MYL9: variants seen among roughly 807,000 people sequenced by gnomAD.
The protein encoded by MYL9 is myosin light chain 9.
In MYL9, 7 loss-of-function variants were observed where a neutral mutation model predicts 12.8. The ratio of observed to expected loss-of-function variants is 0.55; its 90% CI spans 0.31 to 1.03. The LOEUF is 1.03. Among genes scored for constraint, MYL9 ranks in the 50% least tolerant of loss-of-function variants. The pLI, the probability that MYL9 is intolerant of heterozygous loss-of-function variation, is 0.05. For missense variants in MYL9, 190 were observed against 242.7 expected (o/e 0.78, Z 1.44); for synonymous variants, 81 against 87.8 (o/e 0.92, Z 0.43).
Position 36,549,369 on chromosome 20 carries a change from C to A in MYL9, c.*120C>A. ...GGATCCCCCTTTGAGGGGTTAGGGT[C>A]CCAGTTCCCAGTGGAAGAAACAGGC... On this transcript the variant is annotated 3_prime_UTR_variant, in exon 4 of 4. Coordinates refer to ENST00000279022, the MANE Select transcript of MYL9 (RefSeq NM_006097.5). 1 of 866,574 alleles carries A rather than the reference C, an allele frequency of 1.2e-6. No individual in the cohort carries two copies. The allele number at this position is 866,574 out of a possible 1,614,324, so 53.7% of individuals were successfully genotyped here.
intron 1 of MYL9, among the ~76,000 whole-genome samples, chr20:36,543,530 A>G (rs2038060782): frequency 6.6e-6 from 1 of 152,208 alleles, no homozygotes; most frequent in Admixed American, 6.5e-5. Flanking sequence ...GGAAGGAGGC[A>G]CTGGGTCTTC....
At chr20:36,542,050 C>T (rs1424494620) in intron 1 of MYL9, among the ~76,000 whole-genome samples, 1 of 152,146 alleles carries the variant, frequency 6.6e-6, no homozygotes, top group African/African-American at 2.4e-5. Flanking sequence ...ATCCCTACAC[C>T]CTGGGCCAGG....
Position 36,544,844 on chromosome 20 carries a change from C to T in MYL9, c.-26-15C>T, listed in dbSNP as rs1337833941. The T allele has an allele frequency of 1.9e-6, 3 of 1,584,772 alleles. No individual in the cohort carries two copies. The highest frequency in any genetic ancestry group is 2.2e-5 in the East Asian group (1 of 44,466). On this transcript the variant is annotated splice_polypyrimidine_tract_variant and intron_variant, in intron 1 of 3. Transcript: ENST00000279022. ...CAGAGTCACAGGGCCACCCAACCCC[C>T]ACCCCTTCCTGCAGGGAAGCCCCAC...
chr20:36,545,884 C>T (rs1392985335), intron 2 of MYL9, among the ~76,000 whole-genome samples: 2 of 152,208 alleles, frequency 1.3e-5, no homozygotes, highest in African/African-American at 4.8e-5. Context: ...CACGCCACTG[C>T]ACTCCAGCCT....
chr20:36,547,882 G>T, intron 2 of MYL9, 150 bp from the exon 3 acceptor site: 1 of 999,044 alleles, frequency 1.0e-6, no homozygotes, highest in Non-Finnish European at 1.4e-6. Context: ...CTGTGGCTGC[G>T]CTAGAGCCAT....
At chr20:36,541,745 C>T (rs76042554) in intron 1 of MYL9, among the ~76,000 whole-genome samples, 184 bp downstream of exon 1, 1 of 152,194 alleles carries the variant, frequency 6.6e-6, no homozygotes, top group Non-Finnish European at 1.5e-5. Flanking sequence ...TGCTGGGGGC[C>T]GACAGGGACT....
At chr20:36,545,297 A>G (rs1283443606) in intron 2 of MYL9, among the ~76,000 whole-genome samples, 3 of 151,854 alleles carry the variant, frequency 2.0e-5, no homozygotes, top group Non-Finnish European at 2.9e-5. Context: ...GGAGATCGAG[A>G]CCATCCTGGC....
intron 2 of MYL9, among the ~76,000 whole-genome samples, chr20:36,546,626 T>C (rs547066833): frequency 1.5e-4 from 22 of 150,684 alleles, no homozygotes; most frequent in East Asian, 2.0e-4. Context: ...TCTTTTTTTT[T>C]CCCCCCGAGA....
intron 3 of MYL9, 35 bp from the exon 4 acceptor site, chr20:36,549,042 G>T (rs754015898): frequency 6.2e-7 from 1 of 1,600,928 alleles, no homozygotes; most frequent in Non-Finnish European, 8.5e-7. Context: ...CTCAGCCCAA[G>T]TTCCTGCTCT....
rs114304364 is a variant in MYL9, at chr20:36,547,497, G to A, written c.185-535G>A. Among the ~76,000 whole-genome samples the A allele has an allele frequency of 8.3e-4, 126 of 152,112 alleles. 1 individual carries two copies. The highest frequency in any genetic ancestry group is 2.9e-3 in the African/African-American group (119 of 41,540). The stretch of plus-strand genomic sequence containing the variant: ...TGTCTTCACAATTCCCCTAAGAGAT[G>A]GGGAAAACCAAGGTGCACAGCTGGG... On this transcript the variant is annotated intron_variant, in intron 2 of 3. Transcript: ENST00000279022.
chr20:36,546,695 C>A (rs2038104737), intron 2 of MYL9, among the ~76,000 whole-genome samples: 1 of 151,940 alleles, frequency 6.6e-6, no homozygotes, highest in South Asian at 2.1e-4. Context: ...CTGCAACCTC[C>A]GTCTCCCAGG....
intron 1 of MYL9, among the ~76,000 whole-genome samples, chr20:36,543,468 G>A (rs1254860034): frequency 6.6e-6 from 1 of 152,224 alleles, no homozygotes; most frequent in Non-Finnish European, 1.5e-5. Flanking sequence ...TGGGCAGAGG[G>A]AAGAGGGGCC....
In MYL9 at chr20:36,550,046, G is replaced by A. The variant is rs1322607699; in HGVS notation, c.*797G>A. 1 of 152,504 alleles carries A rather than the reference G, an allele frequency of 6.6e-6. No homozygotes were observed. The highest frequency in any genetic ancestry group is 1.5e-5 in the Non-Finnish European group (1 of 68,276). The allele number at this position is 152,504 out of a possible 1,614,324, so 9.4% of individuals were successfully genotyped here. ...TGAGACCAGCAGGGGACAGGGGACG[G>A]AGGGAATGGGCCTCATGGCCTTCTC... On this transcript the variant is annotated 3_prime_UTR_variant, in exon 4 of 4. Transcript: ENST00000279022.
At chr20:36,541,824 A>T (rs1390767963) in intron 1 of MYL9, among the ~76,000 whole-genome samples, 1 of 152,162 alleles carries the variant, frequency 6.6e-6, no homozygotes, top group Non-Finnish European at 1.5e-5. Context: ...CGGCAAGGGA[A>T]GGCCATCGTC....
chr20:36,545,073 G>A lies in MYL9; in HGVS notation c.184+5G>A, dbSNP rs112774015. 2 of 1,613,482 alleles carry A rather than the reference G, an allele frequency of 1.2e-6. No individual in the cohort carries two copies. The highest frequency in any genetic ancestry group is 1.7e-6 in the Non-Finnish European group (2 of 1,179,564). Reference sequence around the variant, plus strand: ...ACGACATGCTGGCCTCGCTGGGTGAGCTGGGACAGGGACAGGGGTGAGATG... The same window carrying A: ...ACGACATGCTGGCCTCGCTGGGTGAACTGGGACAGGGACAGGGGTGAGATG... On this transcript the variant is annotated splice_donor_5th_base_variant and intron_variant, in intron 2 of 3. Coordinates refer to ENST00000279022, the MANE Select transcript of MYL9 (RefSeq NM_006097.5).
chr20:36,548,873 C>G (rs908659924), intron 3 of MYL9, among the ~76,000 whole-genome samples: 1 of 152,154 alleles, frequency 6.6e-6, no homozygotes, highest in Non-Finnish European at 1.5e-5. Flanking sequence ...CCCTGGCACC[C>G]CTTCACGTGG....
intron 2 of MYL9, among the ~76,000 whole-genome samples, chr20:36,547,343 G>A (rs1025048857): frequency 7.2e-5 from 11 of 152,176 alleles, no homozygotes; most frequent in Non-Finnish European, 1.6e-4. Flanking sequence ...GGAAACTGAG[G>A]CTCAGAGAGG....
In MYL9 at chr20:36,549,190, T is replaced by C. The variant is rs1186466881; in HGVS notation, c.460T>C (p.Phe154Leu). Residue 154 changes from phenylalanine (F) to leucine (L), a missense_variant, in exon 4 of 4, where the codon TTC becomes CTC. Coordinates refer to ENST00000279022, the MANE Select transcript of MYL9 (RefSeq NM_006097.5). ...GGCACCCATTGATAAGAAAGGCAAC[T>C]TCAACTACGTGGAGTTCACCCGCAT... Reference protein sequence around the residue: ...REAPIDKKGNFNYVEFTRILK... With the variant: ...REAPIDKKGNLNYVEFTRILK... 6.2e-7 allele frequency: 1 copy of C among 1,613,800 alleles called. No homozygotes were observed. The highest frequency in any genetic ancestry group is 1.3e-5 in the African/African-American group (1 of 74,884).
At chr20:36,547,902 T>A in intron 2 of MYL9, 130 bp from the exon 3 acceptor site, 1 of 1,166,920 alleles carries the variant, frequency 8.6e-7, no homozygotes, top group East Asian at 2.8e-5. Flanking sequence ...TGCTTTCCAG[T>A]TCACAAAACC....
Sources: allele counts gnomAD v4.1 joint callset (sites outside exome capture counted in the v4.1 genomes callset), GRCh38; gene constraint gnomAD v4.1.1; transcripts MANE v1.5; gene names NCBI Gene and HGNC (gene_info 2026-07-23, HGNC 2026-07-21).